Variants in IMMP2L observed in about 807,000 individuals in gnomAD.
IMMP2L encodes the protein mitochondrial inner membrane protease subunit 2.
In IMMP2L, 18 loss-of-function variants were observed where a neutral mutation model predicts 19.3. That is an observed-to-expected ratio of 0.93 (90% CI 0.64 to 1.38). The LOEUF (loss-of-function observed/expected upper bound fraction) is 1.38. Ranked by LOEUF, IMMP2L falls within the 40% of genes most tolerant of loss-of-function variation. IMMP2L has a pLI of 0.00. For missense variants in IMMP2L, 233 were observed against 218.2 expected, an observed-to-expected ratio of 1.07 and a Z score of -0.43; for synonymous variants, 76 against 73.0, an observed-to-expected ratio of 1.04 and a Z score of -0.21.
At chr7:111,005,345 A>G (rs1354621365) in intron 3 of IMMP2L, among the ~76,000 whole-genome samples, 1 of 152,202 alleles carries the variant, frequency 6.6e-6, no homozygotes, top group Non-Finnish European at 1.5e-5. Flanking sequence ...TAGCAATCAT[A>G]CATCTCCTAT....
intron 2 of IMMP2L, among the ~76,000 whole-genome samples, chr7:111,515,203 C>T (rs1377760946): frequency 6.6e-6 from 1 of 152,128 alleles, no homozygotes; most frequent in Non-Finnish European, 1.5e-5. Flanking sequence ...GTGCCTGAGG[C>T]TGCTCTAAAC....
chr7:110,686,303 T>G (rs968275417), intron 5 of IMMP2L, among the ~76,000 whole-genome samples: 10 of 152,104 alleles, frequency 6.6e-5, no homozygotes, highest in African/African-American at 2.4e-4. Context: ...GTTTCCTGAA[T>G]GTACCTATTT....
chr7:111,146,161 A>G (rs570280998), intron 3 of IMMP2L, among the ~76,000 whole-genome samples: 1 of 151,298 alleles, frequency 6.6e-6, no homozygotes, highest in South Asian at 2.1e-4. Context: ...CTAATTAAAA[A>G]CTTATAATTC....
At chr7:111,310,255 T>G (rs1823364718) in intron 3 of IMMP2L, among the ~76,000 whole-genome samples, 1 of 150,816 alleles carries the variant, frequency 6.6e-6, no homozygotes, top group African/African-American at 2.4e-5. Context: ...AATCTAAGAC[T>G]TTTGAGTTCA....
chr7:111,204,803 T>G (rs916067222), intron 3 of IMMP2L, among the ~76,000 whole-genome samples: 1 of 152,198 alleles, frequency 6.6e-6, no homozygotes, highest in Admixed American at 6.5e-5. Context: ...ACAGAGTAAG[T>G]GTCTACAATT....
At chr7:110,986,976 A>C (rs925700313) in intron 3 of IMMP2L, among the ~76,000 whole-genome samples, 1 of 152,156 alleles carries the variant, frequency 6.6e-6, no homozygotes, top group African/African-American at 2.4e-5. Flanking sequence ...TTATGATTAG[A>C]ATATCCAGTT....
At chr7:110,765,926 T>G (rs13247446) in intron 5 of IMMP2L, among the ~76,000 whole-genome samples, 50,036 of 152,004 alleles carry the variant, frequency 0.33, 8,448 homozygotes, top group Middle Eastern at 0.41. Context: ...AAGTTTTGAG[T>G]GGTGTGCCTC....
intron 3 of IMMP2L, among the ~76,000 whole-genome samples, chr7:111,022,570 G>T (rs1268269860): frequency 6.6e-6 from 1 of 152,186 alleles, no homozygotes; most frequent in Non-Finnish European, 1.5e-5. Flanking sequence ...GAATCTTAGT[G>T]AGTAGCTGTG....
At chr7:110,696,503 C>T (rs1486592968) in intron 5 of IMMP2L, among the ~76,000 whole-genome samples, 4 of 150,608 alleles carry the variant, frequency 2.7e-5, no homozygotes, top group Admixed American at 6.6e-5. Flanking sequence ...CTCGGCCCAC[C>T]GCAATCTCGG....
chr7:110,835,273 A>C (rs1026904175), intron 5 of IMMP2L, among the ~76,000 whole-genome samples: 1 of 152,202 alleles, frequency 6.6e-6, no homozygotes, highest in Non-Finnish European at 1.5e-5. Context: ...GCTGGGAGAG[A>C]GGGTAGTATG....
chr7:111,496,745 T>C (rs371206143), intron 2 of IMMP2L, among the ~76,000 whole-genome samples: 2 of 152,160 alleles, frequency 1.3e-5, no homozygotes, highest in Non-Finnish European at 2.9e-5. Context: ...CTGAGAGTTA[T>C]ACCATCAGCT....
At chr7:111,491,558 T>C (rs1001149377) in intron 2 of IMMP2L, among the ~76,000 whole-genome samples, 1 of 152,162 alleles carries the variant, frequency 6.6e-6, no homozygotes, top group African/African-American at 2.4e-5. Context: ...CTATCTCTAG[T>C]GAGGAACAGA....
intron 3 of IMMP2L, among the ~76,000 whole-genome samples, chr7:111,052,532 G>C (rs1433355758): frequency 6.6e-6 from 1 of 152,162 alleles, no homozygotes. Flanking sequence ...TTCTAGATGT[G>C]CTGCTTTTCC....
intron 4 of IMMP2L, among the ~76,000 whole-genome samples, chr7:110,921,039 G>GA (rs1814219782): frequency 6.6e-6 from 1 of 152,032 alleles, no homozygotes; most frequent in African/African-American, 2.4e-5. Flanking sequence ...ATTTAAGAGA[G>GA]AAAAAAGAAT....
chr7:110,836,562 C>T (rs1584979038), intron 5 of IMMP2L, among the ~76,000 whole-genome samples: 1 of 152,108 alleles, frequency 6.6e-6, no homozygotes, highest in Admixed American at 6.6e-5. Context: ...CCTCCCCAGC[C>T]ACATGGAACT....
chr7:111,543,166 CT>C (rs1467725551), intron 1 of IMMP2L, among the ~76,000 whole-genome samples: 4 of 152,128 alleles, frequency 2.6e-5, no homozygotes, highest in Non-Finnish European at 1.5e-5. Context: ...ATGTGTAATA[CT>C]TTCGGCAAAT....
intron 3 of IMMP2L, among the ~76,000 whole-genome samples, chr7:111,045,582 T>C (rs1365052218): frequency 1.3e-5 from 2 of 152,178 alleles, no homozygotes; most frequent in Non-Finnish European, 2.9e-5. Flanking sequence ...ATCTCTAGGA[T>C]CCTTAAAAGT....
intron 3 of IMMP2L, among the ~76,000 whole-genome samples, chr7:110,964,309 AC>A (rs1819301455): frequency 6.6e-6 from 1 of 152,104 alleles, no homozygotes; most frequent in Non-Finnish European, 1.5e-5. Context: ...ATGATAACAT[AC>A]TTCAGTTTTT....
chr7:110,686,833 T>TAC (rs901659070), intron 5 of IMMP2L, among the ~76,000 whole-genome samples: 4 of 152,022 alleles, frequency 2.6e-5, no homozygotes, highest in Non-Finnish European at 4.4e-5. Context: ...CCAACTGCTA[T>TAC]ACACACTGGT....
Sources: allele counts gnomAD v4.1 joint callset (sites outside exome capture counted in the v4.1 genomes callset), GRCh38; gene constraint gnomAD v4.1.1; transcripts MANE v1.5; gene names NCBI Gene and HGNC (gene_info 2026-07-23, HGNC 2026-07-21).